The following PTPRN2 variants were observed in gnomAD, a reference collection of about 807,000 sequenced individuals.
PTPRN2 encodes receptor-type tyrosine-protein phosphatase N2.
A neutral mutation model predicts 118.8 loss-of-function variants in PTPRN2; 74 were observed. The ratio of observed to expected loss-of-function variants is 0.62; its 90% confidence interval spans 0.52 to 0.76. PTPRN2 has a LOEUF of 0.76. Ranked by LOEUF, PTPRN2 falls within the 30% of genes least tolerant of loss-of-function variation. The pLI, the probability that PTPRN2 is intolerant of heterozygous loss-of-function variation, is 0.00. For missense variants in PTPRN2, 1,481 were observed against 1,394.4 expected, an observed-to-expected ratio of 1.06 and a Z score of -0.99; for synonymous variants, 641 against 608.0, an observed-to-expected ratio of 1.05 and a Z score of -0.80.
At chr7:158,060,583 C>T (rs183282812) in intron 11 of PTPRN2, among the ~76,000 whole-genome samples, 1 of 152,330 alleles carries the variant, frequency 6.6e-6, no homozygotes, top group African/African-American at 2.4e-5. Context: ...TTATTGACAT[C>T]TGCAAAGATC....
intron 6 of PTPRN2, among the ~76,000 whole-genome samples, chr7:158,142,865 C>T (rs530002414): frequency 1.3e-4 from 20 of 152,216 alleles, no homozygotes; most frequent in Non-Finnish European, 2.4e-4. Context: ...GCTCCTTCCA[C>T]GCTGACAGGC....
At chr7:158,170,324 C>T (rs1010162074) in intron 5 of PTPRN2, among the ~76,000 whole-genome samples, 3 of 152,122 alleles carry the variant, frequency 2.0e-5, no homozygotes, top group Non-Finnish European at 4.4e-5. Context: ...CCAAATCCCT[C>T]GTTATGTGCC....
At chr7:157,744,117 A>T (rs1800787643) in intron 12 of PTPRN2, among the ~76,000 whole-genome samples, 2 of 152,130 alleles carry the variant, frequency 1.3e-5, no homozygotes, top group Non-Finnish European at 2.9e-5. Flanking sequence ...AATTCAACAC[A>T]TGTTTCCTGA....
At chr7:157,744,689 C>T (rs975172921) in intron 12 of PTPRN2, among the ~76,000 whole-genome samples, 2 of 152,152 alleles carry the variant, frequency 1.3e-5, no homozygotes, top group Non-Finnish European at 2.9e-5. Flanking sequence ...ACCATCAGAA[C>T]GTGTGCAGAA....
rs201182548 is a variant in PTPRN2, at chr7:157,587,250, GCAGA to G, written c.2496+7984_2496+7987del. ...GGCAGACAGGCAGACAGCGAGACAG[GCAGA>G]CAGACAGGCAGACAAACAGGCAGAC... On this transcript the variant is annotated intron_variant, in intron 17 of 22. Transcript: ENST00000389418. The surrounding 1 kb of genome is among the most constrained non-coding windows in gnomAD (Gnocchi z 5.3). Among the ~76,000 whole-genome samples the G allele has an allele frequency of 0.024, 3,526 of 148,202 alleles. 118 individuals are homozygous for G. Among genetic ancestry groups the G allele is most frequent in the East Asian group, 0.13 (665 of 5,042 alleles).
In PTPRN2 at chr7:157,598,415, G is replaced by A. The variant is rs1399223619; in HGVS notation, c.2419-3100C>T. ...ATGGTGGGTGAGCTCAGGGAGTGAG[G>A]AGCTTGGACGTCGGCGTCTCCGGGC... is the stretch of plus-strand genomic sequence containing the variant. On this transcript the variant is annotated intron_variant, in intron 16 of 22. Transcript: ENST00000389418. This position sits in a 1 kb window ranked among gnomAD's most constrained non-coding sequence, Gnocchi z 5.2. 6.6e-6 allele frequency among the ~76,000 whole-genome samples: 1 copy of A among 152,038 alleles called. No individual in the cohort carries two copies. The highest frequency in any genetic ancestry group is 1.9e-4 in the East Asian group (1 of 5,200).
intron 11 of PTPRN2, among the ~76,000 whole-genome samples, chr7:157,924,924 C>T (rs6978831): frequency 0.42 from 30,550 of 71,898 alleles, 5,713 homozygotes; most frequent in African/African-American, 0.48. Flanking sequence ...GCATTTAGCA[C>T]GTCAGGCAAA....
At chr7:157,605,260 G>A (rs1393837037) in intron 15 of PTPRN2, among the ~76,000 whole-genome samples, 1 of 152,252 alleles carries the variant, frequency 6.6e-6, no homozygotes, top group Non-Finnish European at 1.5e-5. Flanking sequence ...GCCAGCATGG[G>A]TGCGGGCTCT....
intron 11 of PTPRN2, among the ~76,000 whole-genome samples, chr7:157,909,299 T>C (rs1797949014): frequency 6.6e-6 from 1 of 152,272 alleles, no homozygotes; most frequent in Non-Finnish European, 1.5e-5. Flanking sequence ...ACATAGACTT[T>C]TAAATGTCCA....
chr7:158,136,321 A>C (rs980969867), intron 8 of PTPRN2, among the ~76,000 whole-genome samples: 1 of 152,256 alleles, frequency 6.6e-6, no homozygotes, highest in African/African-American at 2.4e-5. Context: ...TGCAGGAGGC[A>C]TCAAATGTGC....
chr7:158,388,563 A>G (rs539521974), intron 2 of PTPRN2, among the ~76,000 whole-genome samples: 2 of 152,340 alleles, frequency 1.3e-5, no homozygotes, highest in East Asian at 3.9e-4. Flanking sequence ...TGGGTGCACC[A>G]GGCTCCCTGC....
intron 11 of PTPRN2, among the ~76,000 whole-genome samples, chr7:157,927,411 AG>A (rs1204654199): frequency 0.011 from 1,424 of 124,046 alleles, 288 homozygotes; most frequent in Admixed American, 0.019. Context: ...GACCCGTCTG[AG>A]AGCAGAGGCC....
At chr7:157,836,330 T>C (rs1461619279) in intron 12 of PTPRN2, among the ~76,000 whole-genome samples, 1 of 152,166 alleles carries the variant, frequency 6.6e-6, no homozygotes, top group African/African-American at 2.4e-5. Flanking sequence ...ATAAGAGGAA[T>C]TGAGGTATTT....
In PTPRN2 at chr7:157,682,861, G is replaced by A. The variant is rs1463403305; in HGVS notation, c.1865C>T (p.Ser622Phe). 6.2e-7 allele frequency: 1 copy of A among 1,613,916 alleles called. No homozygotes were observed. The highest frequency in any genetic ancestry group is 1.3e-5 in the African/African-American group (1 of 74,942). Residue 622 changes from serine to phenylalanine, a missense_variant, in exon 13 of 23, where the codon TCC (serine) becomes TTC (phenylalanine). By Grantham distance (155) the Ser-to-Phe change is radical. Around this residue, in one of 3 missense-constraint regions of PTPRN2, gnomAD observed 1,115 missense variants for 994.2 expected, o/e 1.12. Transcript: ENST00000389418. ...STKFIALTLV[S>F]LACILGVLLA... ...GAGGACGCCCAGGATGCAGGCGAGG[G>A]AGACCAGGGTGAGCGCGATGAACTT...
chr7:157,593,535 C>T (rs1801117884), intron 17 of PTPRN2, among the ~76,000 whole-genome samples: 2 of 152,224 alleles, frequency 1.3e-5, no homozygotes, highest in South Asian at 4.1e-4. Context: ...ATGAAAACTC[C>T]AGTGGTATTA....
At chr7:157,952,172 C>T (rs1800854320) in intron 11 of PTPRN2, among the ~76,000 whole-genome samples, 1 of 152,156 alleles carries the variant, frequency 6.6e-6, no homozygotes, top group Non-Finnish European at 1.5e-5. Context: ...GAGTCCAGGC[C>T]CTGGGAGCCC....
intron 12 of PTPRN2, among the ~76,000 whole-genome samples, chr7:157,882,319 C>T (rs1478325690): frequency 6.6e-6 from 1 of 151,078 alleles, no homozygotes. Context: ...TATCAGAGAT[C>T]AGAACACACC....
chr7:158,326,198 A>G (rs1437164272), intron 2 of PTPRN2, among the ~76,000 whole-genome samples: 3 of 152,002 alleles, frequency 2.0e-5, no homozygotes, highest in Admixed American at 1.3e-4. Context: ...TCTGTCACTC[A>G]CTCCCTCCCT....
At chr7:157,586,495 A>C (rs1022664750) in intron 17 of PTPRN2, among the ~76,000 whole-genome samples, 5 of 152,220 alleles carry the variant, frequency 3.3e-5, no homozygotes, top group African/African-American at 1.2e-4. Flanking sequence ...AAGGTAACCA[A>C]GGACCCAGAG....
Sources: gnomAD v4.1 joint callset for allele counts (sites outside exome capture counted in the v4.1 genomes callset) on GRCh38, gnomAD v4.1.1 for gene constraint, gnomAD v4.1.1 regional missense constraint, Gnocchi (gnomAD v3.1) non-coding constraint, MANE v1.5 for transcripts, NCBI Gene and HGNC (gene_info 2026-07-23, HGNC 2026-07-21) for gene names.